ZC3H12B: variants seen among roughly 807,000 people sequenced by gnomAD.
ZC3H12B encodes zinc finger CCCH-type containing 12B.
Under a neutral mutation model 43.9 loss-of-function variants are expected in ZC3H12B, and 7 were observed. The ratio of observed to expected loss-of-function variants is 0.16; its 90% CI spans 0.09 to 0.30. The LOEUF is 0.30. Ranked by LOEUF, ZC3H12B falls within the 10% of genes least tolerant of loss-of-function variation. ZC3H12B has a pLI of 1.00. For synonymous variants in ZC3H12B, 222 were observed against 241.7 expected, an observed-to-expected ratio of 0.92 and a Z score of 0.76; for missense variants, 475 against 670.2, an observed-to-expected ratio of 0.71 and a Z score of 3.22.
upstream of ZC3H12B, among the ~76,000 whole-genome samples, chrX:65,361,756 C>G (rs1018911092): frequency 4.6e-4 from 51 of 110,562 alleles, no homozygotes; most frequent in African/African-American, 1.6e-3. Flanking sequence ...AAAAAAAGCT[C>G]CAAAAATTAG....
the ZC3H12B span, among the ~76,000 whole-genome samples, chrX:65,107,527 G>A: frequency 2.7e-5 from 3 of 110,814 alleles, no homozygotes; most frequent in Admixed American, 2.9e-4. Context: ...AAACCTAGAT[G>A]ATATACCTCG....
the ZC3H12B span, among the ~76,000 whole-genome samples, chrX:65,166,754 G>C: frequency 7.3e-3 from 817 of 111,890 alleles, 1 homozygote; most frequent in Middle Eastern, 0.028. Context: ...GTGTGAGATG[G>C]TATCTCATTG....
chrX:65,323,620 T>A, the ZC3H12B span, among the ~76,000 whole-genome samples: 1 of 112,453 alleles, frequency 8.9e-6, no homozygotes, highest in Non-Finnish European at 1.9e-5. Context: ...TGGTTTCAAG[T>A]CTTTGCTATT....
chrX:65,136,432 C>A, the ZC3H12B span, among the ~76,000 whole-genome samples: 1 of 111,403 alleles, frequency 9.0e-6, no homozygotes, highest in Non-Finnish European at 1.9e-5. Flanking sequence ...GAGACACTGT[C>A]TTGGTAGGAG....
intron 2 of ZC3H12B, among the ~76,000 whole-genome samples, chrX:65,376,006 C>T (rs756031818): frequency 8.9e-6 from 1 of 112,253 alleles, no homozygotes; most frequent in African/African-American, 3.2e-5. Flanking sequence ...GTCTCTGATT[C>T]CAGACCATGG....
chrX:65,373,984 CTA>C (rs1242688285), intron 2 of ZC3H12B, among the ~76,000 whole-genome samples: 2,492 of 6,058 alleles, frequency 0.41, 382 homozygotes, highest in African/African-American at 0.57. Flanking sequence ...TATATATATA[CTA>C]TATATATATA....
chrX:65,222,680 C>T, the ZC3H12B span, among the ~76,000 whole-genome samples: 1 of 106,616 alleles, frequency 9.4e-6, no homozygotes, highest in Admixed American at 1.0e-4. Flanking sequence ...ATAACCAAGG[C>T]TGTGAAAGAC....
intron 2 of ZC3H12B, among the ~76,000 whole-genome samples, chrX:65,371,887 T>C (rs2066249311): frequency 9.0e-6 from 1 of 111,432 alleles, no homozygotes. Flanking sequence ...TGTAGACTTT[T>C]TAGAAACTGC....
intron 2 of ZC3H12B, among the ~76,000 whole-genome samples, chrX:65,389,451 TCTC>T (rs2066580838): frequency 8.9e-6 from 1 of 112,346 alleles, no homozygotes; most frequent in South Asian, 3.7e-4. Context: ...CGGGATATAA[TCTC>T]CTGGTGTACC....
chrX:65,469,334 G>A (rs2067873886), intron 3 of ZC3H12B: 2 of 379,213 alleles, frequency 5.3e-6, no homozygotes, highest in Non-Finnish European at 9.9e-6. Context: ...ATGTTATAGA[G>A]TCTGCCAACC....
At chrX:65,454,044 C>T (rs1295357490) in intron 3 of ZC3H12B, among the ~76,000 whole-genome samples, 1 of 112,124 alleles carries the variant, frequency 8.9e-6, no homozygotes, top group Non-Finnish European at 1.9e-5. Flanking sequence ...CAGCTCCAGT[C>T]TACAGCACCC....
the ZC3H12B span, among the ~76,000 whole-genome samples, chrX:65,130,937 A>C: frequency 8.9e-6 from 1 of 111,996 alleles, no homozygotes; most frequent in African/African-American, 3.2e-5. Context: ...CTTGCAGTGA[A>C]TGACTCCAGC....
the ZC3H12B span, among the ~76,000 whole-genome samples, chrX:65,245,925 A>T: frequency 1.9e-5 from 2 of 107,590 alleles, no homozygotes; most frequent in Admixed American, 1.0e-4. Flanking sequence ...AAAATATTTA[A>T]AAAAAAAAAA....
At chrX:65,211,678 A>G in the ZC3H12B span, among the ~76,000 whole-genome samples, 1 of 89,282 alleles carries the variant, frequency 1.1e-5, no homozygotes, top group Non-Finnish European at 2.1e-5. Flanking sequence ...ATATTATATA[A>G]TTATATATAT....
chrX:65,364,316 T>C (rs1372984821), upstream of ZC3H12B, among the ~76,000 whole-genome samples: 1 of 109,220 alleles, frequency 9.2e-6, no homozygotes, highest in Non-Finnish European at 1.9e-5. Context: ...CACCCTGCTG[T>C]TATATGGGCA....
At chrX:65,129,651 G>A in the ZC3H12B span, among the ~76,000 whole-genome samples, 1 of 111,327 alleles carries the variant, frequency 9.0e-6, no homozygotes, top group Non-Finnish European at 1.9e-5. Context: ...ACAGGTCACA[G>A]AGTATATGAT....
the ZC3H12B span, among the ~76,000 whole-genome samples, chrX:65,124,098 C>T: frequency 9.0e-6 from 1 of 111,004 alleles, no homozygotes; most frequent in South Asian, 3.8e-4. Context: ...CAAAGTTTTC[C>T]CTGTTCATTA....
chrX:65,328,648 T>A, the ZC3H12B span: 1 of 121,348 alleles, frequency 8.2e-6, no homozygotes, highest in African/African-American at 3.4e-5. Flanking sequence ...GCTGCACCCA[T>A]TAACTCCTCA....
chrX:65,206,575 G>T, the ZC3H12B span, among the ~76,000 whole-genome samples: 4 of 111,743 alleles, frequency 3.6e-5, no homozygotes, highest in Non-Finnish European at 7.5e-5. Flanking sequence ...GGTAACATCA[G>T]AAAAATCCTT....
Sources: gnomAD v4.1 joint callset for allele counts (sites outside exome capture counted in the v4.1 genomes callset) on GRCh38, gnomAD v4.1.1 for gene constraint, MANE v1.5 for transcripts, NCBI Gene and HGNC (gene_info 2026-07-23, HGNC 2026-07-21) for gene names.